FAAH2: variants seen among roughly 807,000 people sequenced by gnomAD.
FAAH2 encodes fatty acid amide hydrolase 2, also known as fatty-acid amide hydrolase 2.
Under a neutral mutation model 36.9 loss-of-function variants are expected in FAAH2, and 60 were observed. The observed-to-expected ratio is 1.63, with a 90% confidence interval of 1.32 to 2.02. FAAH2 has a LOEUF of 2.02. Ranked by LOEUF, FAAH2 falls within the 30% of genes most tolerant of loss-of-function variation. The pLI is 0.00. For synonymous variants in FAAH2, 214 were observed against 143.8 expected, an observed-to-expected ratio of 1.49 and a Z score of -3.49; for missense variants, 689 against 397.5, an observed-to-expected ratio of 1.73 and a Z score of -6.23.
At chrX:57,419,436 T>A (rs1415937560) in intron 7 of FAAH2, among the ~76,000 whole-genome samples, 1 of 112,131 alleles carries the variant, frequency 8.9e-6, no homozygotes, top group East Asian at 2.8e-4. Flanking sequence ...GATATCTCAT[T>A]GTGGTTTTGA....
At chrX:57,444,634 C>A (rs759668446) in intron 8 of FAAH2, among the ~76,000 whole-genome samples, 1 of 111,326 alleles carries the variant, frequency 9.0e-6, no homozygotes, top group South Asian at 3.8e-4. Flanking sequence ...CCTGGTACCT[C>A]GGTTGGAAAT....
the FAAH2 span, among the ~76,000 whole-genome samples, chrX:57,159,863 T>C: frequency 4.5e-5 from 5 of 111,739 alleles, no homozygotes; most frequent in African/African-American, 1.6e-4. Context: ...TGGCCAGAAC[T>C]TCCAACACTA....
At chrX:57,214,068 C>CT in the FAAH2 span, among the ~76,000 whole-genome samples, 604 of 111,393 alleles carry the variant, frequency 5.4e-3, 11 homozygotes, top group Admixed American at 0.05. Context: ...TGTTATTTGT[C>CT]TTTTTTTACT....
Position 57,440,274 on chromosome X carries a change from C to T in FAAH2, c.1117-6654C>T, listed in dbSNP as rs778497642. On this transcript the variant is annotated intron_variant, in intron 8 of 10. Transcript: ENST00000374900. Reference sequence around the variant, plus strand: ...TATTTGTTTGTGTCCTCTTTTATTTCGTTGAGAGGTGGTTTGTAGTTCTCC... The same window carrying T: ...TATTTGTTTGTGTCCTCTTTTATTTTGTTGAGAGGTGGTTTGTAGTTCTCC... Among the ~76,000 whole-genome samples, 10 of 111,481 alleles carry T rather than the reference C, an allele frequency of 9.0e-5. No homozygotes were observed. The South Asian group carries it at 1.9e-3, about 21-fold the overall frequency.
intron 7 of FAAH2, among the ~76,000 whole-genome samples, chrX:57,388,744 T>C (rs1463245863): frequency 9.0e-6 from 1 of 111,512 alleles, no homozygotes; most frequent in Non-Finnish European, 1.9e-5. Flanking sequence ...AAAAAACTTC[T>C]GTGCATCACT....
At chrX:57,338,892 G>T (rs956458142) in intron 4 of FAAH2, among the ~76,000 whole-genome samples, 1 of 110,449 alleles carries the variant, frequency 9.1e-6, no homozygotes, top group Non-Finnish European at 1.9e-5. Flanking sequence ...ATTTTTCAGA[G>T]AATTAGGAAA....
chrX:57,186,046 T>C, the FAAH2 span, among the ~76,000 whole-genome samples: 1 of 111,498 alleles, frequency 9.0e-6, no homozygotes, highest in Non-Finnish European at 1.9e-5. Flanking sequence ...GGAGTCTTTA[T>C]AGTAGAATGA....
At chrX:57,442,359 T>C (rs1170860520) in intron 8 of FAAH2, among the ~76,000 whole-genome samples, 1 of 112,139 alleles carries the variant, frequency 8.9e-6, no homozygotes, top group Middle Eastern at 4.2e-3. Context: ...TTTACCATTA[T>C]GGAGTGGCCT....
In FAAH2 at chrX:57,453,664, A is replaced by G. The variant is rs1602716981; in HGVS notation, c.1423+4946A>G. On this transcript the variant is annotated intron_variant, in intron 10 of 10. Transcript: ENST00000374900. ...CTCATAGCCAGGAAATCCATGTCTGATAGAGCTTCCAGCCCAGCATTCCCA... is the reference window on the plus strand; with the variant it reads ...CTCATAGCCAGGAAATCCATGTCTGGTAGAGCTTCCAGCCCAGCATTCCCA... Among the ~76,000 whole-genome samples the G allele has an allele frequency of 2.7e-5, 3 of 109,451 alleles. No individual in the cohort carries two copies. The Admixed American group carries it at 2.9e-4, about 11-fold the overall frequency.
intron 5 of FAAH2, among the ~76,000 whole-genome samples, chrX:57,349,518 A>G (rs1307553122): frequency 9.7e-6 from 1 of 103,077 alleles, no homozygotes; most frequent in Non-Finnish European, 2.0e-5. Flanking sequence ...CACATATATA[A>G]TGTTTTATAC....
intron 4 of FAAH2, among the ~76,000 whole-genome samples, chrX:57,339,079 G>A (rs1336887947): frequency 9.0e-6 from 1 of 111,104 alleles, no homozygotes; most frequent in African/African-American, 3.3e-5. Context: ...TAGACCAATG[G>A]AGTAGAATAG....
chrX:57,151,920 G>A, the FAAH2 span, among the ~76,000 whole-genome samples: 4 of 111,249 alleles, frequency 3.6e-5, no homozygotes, highest in Non-Finnish European at 7.5e-5. Flanking sequence ...TGATGCTGAC[G>A]TACAGATGGG....
chrX:57,466,862 T>C (rs906509662), intron 10 of FAAH2, among the ~76,000 whole-genome samples: 1 of 111,179 alleles, frequency 9.0e-6, no homozygotes, highest in African/African-American at 3.3e-5. Context: ...GCAACCATTG[T>C]GGATGTAGGA....
At chrX:57,451,339 C>T (rs886197427) in intron 10 of FAAH2, among the ~76,000 whole-genome samples, 3 of 111,775 alleles carry the variant, frequency 2.7e-5, no homozygotes, top group African/African-American at 9.8e-5. Flanking sequence ...GTACCTTCTC[C>T]TACTTTGCTC....
At chrX:57,316,589 T>A (rs779723319) in intron 3 of FAAH2, among the ~76,000 whole-genome samples, 138 of 111,245 alleles carry the variant, frequency 1.2e-3, no homozygotes, top group African/African-American at 4.2e-3. Flanking sequence ...AACCATCTGA[T>A]CTTTGTCAAG....
intron 6 of FAAH2, among the ~76,000 whole-genome samples, chrX:57,379,122 A>G: frequency 9.0e-6 from 1 of 111,687 alleles, no homozygotes; most frequent in East Asian, 2.8e-4. Context: ...GTCACCATAT[A>G]CATACTTTCC....
At chrX:57,463,899 C>A (rs1569362650) in intron 10 of FAAH2, among the ~76,000 whole-genome samples, 1 of 111,853 alleles carries the variant, frequency 8.9e-6, no homozygotes, top group South Asian at 3.8e-4. Context: ...AATCACAGTA[C>A]AGGGAATATA....
At chrX:57,406,759 G>A (rs2147323199) in intron 7 of FAAH2, among the ~76,000 whole-genome samples, 1 of 112,630 alleles carries the variant, frequency 8.9e-6, no homozygotes, top group African/African-American at 3.2e-5. Flanking sequence ...CTGTGGCAGG[G>A]ATGCTACCAC....
the FAAH2 span, among the ~76,000 whole-genome samples, chrX:57,208,169 C>T: frequency 2.2e-4 from 25 of 112,089 alleles, no homozygotes; most frequent in South Asian, 3.8e-4. Context: ...CAGTATTCTC[C>T]GGAAAAGAAA....
Sources: allele counts gnomAD v4.1 joint callset (sites outside exome capture counted in the v4.1 genomes callset), GRCh38; gene constraint gnomAD v4.1.1; transcripts MANE v1.5; gene names NCBI Gene and HGNC (gene_info 2026-07-23, HGNC 2026-07-21).